The following GALNT7 variants were observed in gnomAD, a reference collection of about 807,000 sequenced individuals.
GALNT7 encodes polypeptide N-acetylgalactosaminyltransferase 7, also known as N-acetylgalactosaminyltransferase 7.
Under a neutral mutation model 82.1 loss-of-function variants are expected in GALNT7, and 60 were observed. The ratio of observed to expected loss-of-function variants is 0.73; its 90% CI spans 0.59 to 0.91. GALNT7 has a LOEUF of 0.91. Among genes scored for constraint, GALNT7 ranks in the 40% least tolerant of loss-of-function variants. The probability of loss-of-function intolerance (pLI) is 0.00; values close to 1 mark genes in which losing one functional copy is unlikely to be tolerated. For missense variants in GALNT7, 660 were observed against 804.2 expected (o/e 0.82, Z 2.17); for synonymous variants, 243 against 275.1 (o/e 0.88, Z 1.15).
chr4:173,301,939 G>A (rs1736956363), intron 6 of GALNT7, 108 bp from the exon 7 acceptor site: 1 of 623,810 alleles, frequency 1.6e-6, no homozygotes, highest in African/African-American at 1.9e-5. Context: ...CATCAGTTTT[G>A]TCTCTTCTAT....
chr4:173,294,672 A>G (rs1486910045), intron 3 of GALNT7, among the ~76,000 whole-genome samples: 1 of 152,170 alleles, frequency 6.6e-6, no homozygotes, highest in African/African-American at 2.4e-5. Flanking sequence ...GATACAAACA[A>G]AAGCTGTTCT....
At chr4:173,257,424 A>G (rs1000548841) in intron 2 of GALNT7, among the ~76,000 whole-genome samples, 41 of 152,266 alleles carry the variant, frequency 2.7e-4, no homozygotes, top group Non-Finnish European at 4.6e-4. Context: ...TGTAAAAGGT[A>G]CACTTGGTAT....
At chr4:173,253,960 C>A (rs933976229) in intron 2 of GALNT7, among the ~76,000 whole-genome samples, 20 of 152,260 alleles carry the variant, frequency 1.3e-4, no homozygotes, top group African/African-American at 4.8e-4. Context: ...TTCTGCCCAA[C>A]AAAGCAGACA....
chr4:173,171,370 C>T (rs1731866679), intron 1 of GALNT7, among the ~76,000 whole-genome samples: 1 of 152,196 alleles, frequency 6.6e-6, no homozygotes, highest in Admixed American at 6.5e-5. Context: ...TAATGCTGAT[C>T]TACACATGGA....
At chr4:173,213,019 G>A (rs1733332357) in intron 1 of GALNT7, among the ~76,000 whole-genome samples, 1 of 151,962 alleles carries the variant, frequency 6.6e-6, no homozygotes, top group Non-Finnish European at 1.5e-5. Context: ...GGATGTAATT[G>A]TATATGTAAT....
intron 2 of GALNT7, among the ~76,000 whole-genome samples, chr4:173,272,140 C>T (rs1289865830): frequency 6.6e-6 from 1 of 152,160 alleles, no homozygotes; most frequent in Non-Finnish European, 1.5e-5. Context: ...TGGAGTCTCT[C>T]CTCTGCTCTC....
chr4:173,224,310 G>C (rs1220327982), intron 1 of GALNT7, among the ~76,000 whole-genome samples: 3 of 151,890 alleles, frequency 2.0e-5, no homozygotes, highest in Non-Finnish European at 4.4e-5. Flanking sequence ...ATTTTTTCAG[G>C]GCTACTTTTC....
chr4:173,302,078 A>C lies in GALNT7; in HGVS notation c.1180A>C (p.Ile394Leu). The change falls in exon 7 of 12, where the codon ATT becomes CTT. Residue 394 changes from isoleucine to leucine, a missense_variant. By Grantham distance (5) the Ile-to-Leu change is conservative. Transcript: ENST00000265000. The surrounding 1 kb of genome is among the most constrained non-coding windows in gnomAD (Gnocchi z 4.2). ...AGCCATGGCTGGGGGATTATTTGCCATTGAACGAGAGTTCTTCTTTGAATT... is the reference window on the plus strand; with the variant it reads ...AGCCATGGCTGGGGGATTATTTGCCCTTGAACGAGAGTTCTTCTTTGAATT... ...SPAMAGGLFA[I>L]EREFFFELGL... 2 of 1,596,810 alleles carry C rather than the reference A, an allele frequency of 1.3e-6. No homozygotes were observed. The highest frequency in any genetic ancestry group is 1.7e-6 in the Non-Finnish European group (2 of 1,164,384).
chr4:173,216,116 T>TA lies in GALNT7; in HGVS notation c.127-31856dup, dbSNP rs1413272910. On this transcript the variant is annotated intron_variant, in intron 1 of 11. Transcript: ENST00000265000. ...CTGGGTGACAGAGCAAGACTCTGTC[T>TA]AAAAAAAAGCCCACAAGCTGGCTTT... is the stretch of plus-strand genomic sequence containing the variant. 3.3e-5 allele frequency among the ~76,000 whole-genome samples: 5 copies of TA among 151,998 alleles called. No individual in the cohort carries two copies. The South Asian group carries it at 6.2e-4, about 19-fold the overall frequency.
At chr4:173,203,574 T>C (rs1211548225) in intron 1 of GALNT7, among the ~76,000 whole-genome samples, 1 of 152,218 alleles carries the variant, frequency 6.6e-6, no homozygotes, top group Admixed American at 6.5e-5. Flanking sequence ...TATGATTAGG[T>C]GATTTTCTCT....
chr4:173,168,878 G>A lies in GALNT7; in HGVS notation c.43G>A (p.Val15Met). The A allele has an allele frequency of 6.2e-7, 1 of 1,613,782 alleles. No homozygotes were observed. Among genetic ancestry groups the A allele is most frequent in the Non-Finnish European group, 8.5e-7 (1 of 1,179,784 alleles). The change falls in exon 1 of 12, where the codon GTG becomes ATG. Residue 15 changes from valine (V) to methionine (M), a missense_variant. By Grantham distance (21) the Val-to-Met change is conservative (BLOSUM62 1). This residue lies in a region of GALNT7 where 133 missense variants were observed against 120.7 expected (regional missense o/e 1.10). Transcript: ENST00000265000. ...GTTCATCTTACGCAGTTTGCTGGTG[G>A]TGGGAAGCTTCCTGGGGCTAGTGGT... ...IGFILRSLLVVGSFLGLVVLW... is the reference protein window; with the variant it reads ...IGFILRSLLVMGSFLGLVVLW...
intron 2 of GALNT7, among the ~76,000 whole-genome samples, chr4:173,273,033 T>C (rs1475014940): frequency 6.6e-6 from 1 of 152,222 alleles, no homozygotes; most frequent in Non-Finnish European, 1.5e-5. Context: ...AATTCTCTTT[T>C]GAGAAATTAT....
At chr4:173,185,065 C>A (rs1732423533) in intron 1 of GALNT7, among the ~76,000 whole-genome samples, 2 of 152,168 alleles carry the variant, frequency 1.3e-5, no homozygotes. Context: ...TAGGATTTTA[C>A]ATGTGTACGT....
At chr4:173,312,393 A>G (rs1737418736) in intron 8 of GALNT7, among the ~76,000 whole-genome samples, 1 of 152,246 alleles carries the variant, frequency 6.6e-6, no homozygotes, top group African/African-American at 2.4e-5. Context: ...AGATCATCAC[A>G]TGGCGAGAGA....
chr4:173,295,931 C>A, intron 5 of GALNT7, 88 bp downstream of exon 5: 1 of 804,366 alleles, frequency 1.2e-6, no homozygotes, highest in Non-Finnish European at 2.2e-6. Flanking sequence ...TTGATTCCAG[C>A]TCCATTCAGT....
chr4:173,179,307 G>C (rs1732174031), intron 1 of GALNT7, among the ~76,000 whole-genome samples: 1 of 152,120 alleles, frequency 6.6e-6, no homozygotes, highest in South Asian at 2.1e-4. Context: ...TTATTAAACT[G>C]TTTGTATTAA....
chr4:173,229,530 T>A (rs1252096035), intron 1 of GALNT7, among the ~76,000 whole-genome samples: 1 of 152,168 alleles, frequency 6.6e-6, no homozygotes, highest in African/African-American at 2.4e-5. Context: ...GTATAATAGT[T>A]AAGAACATGG....
intron 5 of GALNT7, among the ~76,000 whole-genome samples, chr4:173,297,167 A>G (rs1256685683): frequency 6.6e-6 from 1 of 151,890 alleles, no homozygotes; most frequent in Admixed American, 6.6e-5. Context: ...CCAAATTCTC[A>G]GACCACTTCT....
At chr4:173,210,310 TG>T (rs1409008409) in intron 1 of GALNT7, among the ~76,000 whole-genome samples, 1 of 152,174 alleles carries the variant, frequency 6.6e-6, no homozygotes, top group Non-Finnish European at 1.5e-5. Context: ...TTGAGGCAGA[TG>T]GAATTTCATC....
Sources: gnomAD v4.1 joint callset for allele counts (sites outside exome capture counted in the v4.1 genomes callset) on GRCh38, gnomAD v4.1.1 for gene constraint, gnomAD v4.1.1 regional missense constraint, Gnocchi (gnomAD v3.1) non-coding constraint, MANE v1.5 for transcripts, NCBI Gene and HGNC (gene_info 2026-07-23, HGNC 2026-07-21) for gene names.